AR: variants seen among roughly 807,000 people sequenced by gnomAD.
AR encodes the protein dihydrotestosterone receptor.
Under a neutral mutation model 53.9 loss-of-function variants are expected in AR, and 8 were observed. The ratio of observed to expected loss-of-function variants is 0.15; its 90% CI spans 0.09 to 0.27. The LOEUF (loss-of-function observed/expected upper bound fraction) is 0.27. Among genes scored for constraint, AR ranks in the 10% least tolerant of loss-of-function variants. The pLI is 1.00. For synonymous variants in AR, 359 were observed against 316.4 expected, an observed-to-expected ratio of 1.13 and a Z score of -1.43; for missense variants, 639 against 742.5, an observed-to-expected ratio of 0.86 and a Z score of 1.62.
intron 4 of AR, among the ~76,000 whole-genome samples, chrX:67,716,334 C>T (rs1037909899): frequency 8.9e-6 from 1 of 111,945 alleles, no homozygotes; most frequent in Non-Finnish European, 1.9e-5. Context: ...ATCTTTAAGC[C>T]TTCTTCTTGG....
intron 5 of AR, among the ~76,000 whole-genome samples, 168 bp downstream of exon 5, chrX:67,717,790 T>G (rs2076119832): frequency 8.8e-6 from 1 of 113,110 alleles, no homozygotes; most frequent in Non-Finnish European, 1.9e-5. Context: ...GCCCTGGCTT[T>G]CAGCCAACTG....
chrX:67,657,645 C>T (rs767680937), intron 2 of AR, among the ~76,000 whole-genome samples: 10 of 112,073 alleles, frequency 8.9e-5, no homozygotes. Flanking sequence ...TGTGAAAACA[C>T]ATCACCTATC....
chrX:67,723,569 C>A, intron 7 of AR, 117 bp from the exon 8 acceptor site: 1 of 815,333 alleles, frequency 1.2e-6, no homozygotes, highest in Non-Finnish European at 1.8e-6. Context: ...CAAGGAAGTA[C>A]GGGGAAGGGG....
At chrX:67,629,898 C>T (rs1924967527) in intron 1 of AR, among the ~76,000 whole-genome samples, 1 of 111,109 alleles carries the variant, frequency 9.0e-6, no homozygotes, top group African/African-American at 3.3e-5. Flanking sequence ...GTTATGTACC[C>T]AGTAGTCATT....
At chrX:67,630,799 A>T (rs1925046974) in intron 1 of AR, among the ~76,000 whole-genome samples, 2 of 110,050 alleles carry the variant, frequency 1.8e-5, no homozygotes, top group African/African-American at 3.3e-5. Context: ...TTCCATGTTT[A>T]GTGCTTCCTT....
chrX:67,658,955 G>A (rs1008302975), intron 2 of AR, among the ~76,000 whole-genome samples: 2 of 111,890 alleles, frequency 1.8e-5, no homozygotes, highest in Non-Finnish European at 3.8e-5. Flanking sequence ...GAGGGAGATA[G>A]GTGGCTGTGT....
intron 2 of AR, among the ~76,000 whole-genome samples, chrX:67,646,755 T>C (rs1282994119): frequency 9.0e-6 from 1 of 111,258 alleles, no homozygotes; most frequent in Non-Finnish European, 1.9e-5. Flanking sequence ...TATTTTAAAA[T>C]GTGCTTCCAG....
In AR at chrX:67,728,610, TATATA is replaced by T. The variant is rs2076168181; in HGVS notation, c.*4770_*4774del. On this transcript the variant is annotated 3_prime_UTR_variant, in exon 8 of 8. Coordinates refer to ENST00000374690, the MANE Select transcript of AR (RefSeq NM_000044.6). ...ATATATATATATATATATATATATATATATAGTGTGTGTGTGTGTTCTGATAGCTT... is the reference window on the plus strand; with the variant it reads ...ATATATATATATATATATATATATATGTGTGTGTGTGTGTTCTGATAGCTT... 1.0e-5 allele frequency: 1 copy of T among 97,551 alleles called. No individual in the cohort carries two copies. The highest frequency in any genetic ancestry group is 3.9e-5 in the African/African-American group (1 of 25,614). The allele number at this position is 97,551 out of a possible 1,213,427, so 8.0% of individuals were successfully genotyped here. A position where few individuals can be genotyped will look rare whatever the true frequency, so the allele number is the denominator to read the frequency against.
intron 1 of AR, among the ~76,000 whole-genome samples, chrX:67,633,007 A>G (rs917721627): frequency 1.8e-5 from 2 of 112,301 alleles, no homozygotes; most frequent in Non-Finnish European, 3.8e-5. Flanking sequence ...AAAAGAACAA[A>G]TAACAAGTAT....
intron 3 of AR, among the ~76,000 whole-genome samples, chrX:67,697,510 T>G (rs1248854424): frequency 9.0e-6 from 1 of 111,530 alleles, no homozygotes; most frequent in African/African-American, 3.3e-5. Context: ...ATCTTTGACT[T>G]GAGACCAGTT....
In AR at chrX:67,634,674, C is replaced by T. The variant is rs767987198; in HGVS notation, c.1617-8582C>T. Among the ~76,000 whole-genome samples the T allele has an allele frequency of 9.9e-5, 11 of 111,400 alleles. No individual in the cohort carries two copies. In the South Asian group the frequency reaches 2.3e-3, roughly 23 times the overall value. On this transcript the variant is annotated intron_variant, in intron 1 of 7. Transcript: ENST00000374690. ...AACACACACTAAATTTCAAATCTCA[C>T]GGTGGCAGGGAATAAAGATGCTACC...
intron 5 of AR, among the ~76,000 whole-genome samples, chrX:67,719,597 T>G (rs1316306973): frequency 8.9e-6 from 1 of 112,166 alleles, no homozygotes; most frequent in African/African-American, 3.2e-5. Context: ...GTTAGAGCTC[T>G]CAGGGTGTCT....
intron 1 of AR, among the ~76,000 whole-genome samples, chrX:67,565,104 C>T (rs1427869008): frequency 1.8e-5 from 2 of 111,638 alleles, no homozygotes; most frequent in African/African-American, 6.5e-5. Context: ...GGCACAGCCT[C>T]CCACTCCACT....
At chrX:67,620,918 A>AAG (rs770508567) in intron 1 of AR, among the ~76,000 whole-genome samples, 1 of 111,799 alleles carries the variant, frequency 8.9e-6, no homozygotes, top group Admixed American at 9.5e-5. Context: ...ATTTTCCAGA[A>AAG]AGAGGGTAGC....
intron 1 of AR, among the ~76,000 whole-genome samples, chrX:67,588,532 C>T (rs1922667356): frequency 8.9e-6 from 1 of 111,774 alleles, no homozygotes. Flanking sequence ...AGAGGGAATG[C>T]TAGCTGGCAA....
At chrX:67,578,120 AC>A (rs1922139032) in intron 1 of AR, among the ~76,000 whole-genome samples, 1 of 111,209 alleles carries the variant, frequency 9.0e-6, no homozygotes, top group Non-Finnish European at 1.9e-5. Flanking sequence ...AAAGCTCTAT[AC>A]TTTGTGTTGT....
rs749863706 is a variant in AR, at chrX:67,704,674, G to C, written c.1886-6728G>C. On this transcript the variant is annotated intron_variant, in intron 3 of 7. Transcript: ENST00000374690. ...AATTAGATCCCATTTGTCAATTTTG[G>C]CTTTTGTTGCCATTGCTTTTGGTGT... Among the ~76,000 whole-genome samples, 806 of 111,551 alleles carry C rather than the reference G, an allele frequency of 7.2e-3. 4 individuals are homozygous for C. Among genetic ancestry groups the C allele is most frequent in the African/African-American group, 0.025 (775 of 30,658 alleles).
chrX:67,681,973 C>T (rs769509335), intron 2 of AR, among the ~76,000 whole-genome samples: 1 of 112,062 alleles, frequency 8.9e-6, no homozygotes, highest in Admixed American at 9.4e-5. Context: ...AGGACAAAAA[C>T]TATATGATCA....
intron 1 of AR, among the ~76,000 whole-genome samples, chrX:67,574,374 C>T (rs1921955488): frequency 9.0e-6 from 1 of 111,093 alleles, no homozygotes; most frequent in Admixed American, 9.6e-5. Flanking sequence ...GTAAGTAAGA[C>T]TGTATTCCAG....
Sources: allele counts gnomAD v4.1 joint callset (sites outside exome capture counted in the v4.1 genomes callset), GRCh38; gene constraint gnomAD v4.1.1; transcripts MANE v1.5; gene names NCBI Gene and HGNC (gene_info 2026-07-23, HGNC 2026-07-21).